Variants in OLA1 observed in about 807,000 individuals in gnomAD.
The protein encoded by OLA1 is obg-like ATPase 1.
In OLA1, 14 loss-of-function variants were observed where a neutral mutation model predicts 48.4. The ratio of observed to expected loss-of-function variants is 0.29; its 90% CI spans 0.19 to 0.45. The LOEUF is 0.45. Among genes scored for constraint, OLA1 ranks in the 20% least tolerant of loss-of-function variants. OLA1 has a pLI of 1.00. For synonymous variants in OLA1, 127 were observed against 150.4 expected (o/e 0.84, Z 1.14); for missense variants, 325 against 467.1 (o/e 0.70, Z 2.80).
At chr2:174,110,246 C>T (rs180947950) in intron 7 of OLA1, among the ~76,000 whole-genome samples, 46 of 150,132 alleles carry the variant, frequency 3.1e-4, no homozygotes, top group Admixed American at 2.9e-3. Context: ...AAATGATTCT[C>T]TTATGTTTCA....
intron 10 of OLA1, among the ~76,000 whole-genome samples, chr2:174,077,188 G>A (rs1262660714): frequency 2.6e-5 from 4 of 152,136 alleles, no homozygotes; most frequent in African/African-American, 9.7e-5. Context: ...GTAGAAGCCA[G>A]CTTTGCCTAA....
chr2:174,132,435 T>A (rs914867590), intron 5 of OLA1, among the ~76,000 whole-genome samples: 1 of 152,128 alleles, frequency 6.6e-6, no homozygotes, highest in African/African-American at 2.4e-5. Context: ...ATAAGAATAC[T>A]TTCAGATCAC....
intron 4 of OLA1, among the ~76,000 whole-genome samples, chr2:174,203,943 C>T (rs1688049492): frequency 6.6e-6 from 1 of 151,628 alleles, no homozygotes; most frequent in East Asian, 2.0e-4. Context: ...TACAGGTGTG[C>T]ACCACTGCGC....
intron 4 of OLA1, among the ~76,000 whole-genome samples, chr2:174,162,293 GT>G (rs1260156292): frequency 6.6e-6 from 1 of 152,146 alleles, no homozygotes; most frequent in Non-Finnish European, 1.5e-5. Flanking sequence ...AGGCACGAAT[GT>G]TTTACAAGAG....
intron 4 of OLA1, among the ~76,000 whole-genome samples, chr2:174,156,059 A>C (rs1292399937): frequency 6.6e-6 from 1 of 152,210 alleles, no homozygotes; most frequent in East Asian, 1.9e-4. Context: ...CTGAAGATTT[A>C]GAGTGATAAT....
At chr2:174,223,833 C>T (rs1263372747) in intron 3 of OLA1, among the ~76,000 whole-genome samples, 1 of 148,672 alleles carries the variant, frequency 6.7e-6, no homozygotes, top group Non-Finnish European at 1.5e-5. Flanking sequence ...AATAACCTAG[C>T]TGTTGATAAC....
chr2:174,112,682 G>A (rs1421918059), intron 7 of OLA1, among the ~76,000 whole-genome samples: 1 of 152,088 alleles, frequency 6.6e-6, no homozygotes, highest in African/African-American at 2.4e-5. Context: ...CAGAGAATGA[G>A]TTTGACCCAC....
chr2:174,168,180 G>C (rs1020178796), intron 4 of OLA1, among the ~76,000 whole-genome samples: 2 of 152,260 alleles, frequency 1.3e-5, no homozygotes, highest in African/African-American at 4.8e-5. Context: ...CCAAAGCTAG[G>C]GAAACTGTAG....
At chr2:174,244,851 C>T (rs921130055) in intron 2 of OLA1, among the ~76,000 whole-genome samples, 1 of 152,078 alleles carries the variant, frequency 6.6e-6, no homozygotes, top group African/African-American at 2.4e-5. Context: ...AGGCTGGTTT[C>T]AAGCTCCTGA....
chr2:174,196,748 A>C (rs2105428388), intron 4 of OLA1, among the ~76,000 whole-genome samples: 1 of 152,340 alleles, frequency 6.6e-6, no homozygotes, highest in Middle Eastern at 3.4e-3. Flanking sequence ...ATAAAAAGAA[A>C]ATACTGAAGA....
chr2:174,082,176 G>T, intron 7 of OLA1, 112 bp from the exon 8 acceptor site: 2 of 1,198,080 alleles, frequency 1.7e-6, no homozygotes, highest in Non-Finnish European at 2.4e-6. Flanking sequence ...GTTTTATGAT[G>T]CCATCTTTTT....
At chr2:174,189,311 T>TA (rs960833503) in intron 4 of OLA1, among the ~76,000 whole-genome samples, 8 of 151,836 alleles carry the variant, frequency 5.3e-5, no homozygotes, top group African/African-American at 1.7e-4. Context: ...TCAGTTCAAC[T>TA]AAAAAAAACT....
chr2:174,120,018 A>G (rs1685878510), intron 7 of OLA1, among the ~76,000 whole-genome samples: 1 of 152,006 alleles, frequency 6.6e-6, no homozygotes, highest in African/African-American at 2.4e-5. Flanking sequence ...TTTCCAGTTG[A>G]ACATAAATAT....
At chr2:174,118,334 G>C (rs1012713089) in intron 7 of OLA1, among the ~76,000 whole-genome samples, 2 of 152,156 alleles carry the variant, frequency 1.3e-5, no homozygotes, top group African/African-American at 4.8e-5. Flanking sequence ...ATGACTCAGA[G>C]ATCCTTAATC....
chr2:174,117,550 G>C (rs987067385), intron 7 of OLA1, among the ~76,000 whole-genome samples: 1 of 152,072 alleles, frequency 6.6e-6, no homozygotes, highest in African/African-American at 2.4e-5. Flanking sequence ...TTTTGGGCTA[G>C]GCTTCAAGTC....
intron 4 of OLA1, among the ~76,000 whole-genome samples, chr2:174,192,085 T>G (rs1399177038): frequency 1.3e-5 from 2 of 152,208 alleles, no homozygotes; most frequent in African/African-American, 4.8e-5. Flanking sequence ...GATTTTTTTA[T>G]AATTCCATTT....
chr2:174,094,888 A>G (rs1685210654), intron 7 of OLA1, among the ~76,000 whole-genome samples: 1 of 152,204 alleles, frequency 6.6e-6, no homozygotes, highest in Non-Finnish European at 1.5e-5. Flanking sequence ...ACATAAGTGG[A>G]ATCATATAGT....
chr2:174,229,918 T>C lies in OLA1; in HGVS notation c.102-467A>G, dbSNP rs894652268. ...TAAATGTCTGGTATCTGATAGGAAA[T>C]GGGAGGTTGGCACTCAGAACTGCCT... On this transcript the variant is annotated intron_variant, in intron 2 of 10. Transcript: ENST00000284719. Among the ~76,000 whole-genome samples, 53 of 152,178 alleles carry C rather than the reference T, an allele frequency of 3.5e-4. 1 individual carries two copies. Among genetic ancestry groups the C allele is most frequent in the Non-Finnish European group, 2.4e-4 (16 of 68,022 alleles).
chr2:174,163,711 AATATATATATATATATATATATATATAT>A (rs58320338), intron 4 of OLA1, among the ~76,000 whole-genome samples: 3,389 of 34,142 alleles, frequency 0.099, 217 homozygotes, highest in Non-Finnish European at 0.12. Flanking sequence ...TAAATAAATA[AATATATATATATATATATATATATATAT>A]ATATATATAT....
Sources: gnomAD v4.1 joint callset for allele counts (sites outside exome capture counted in the v4.1 genomes callset) on GRCh38, gnomAD v4.1.1 for gene constraint, MANE v1.5 for transcripts, NCBI Gene and HGNC (gene_info 2026-07-23, HGNC 2026-07-21) for gene names.